Variants in SCAPER observed in about 807,000 individuals in gnomAD.
The protein encoded by SCAPER is S-phase cyclin A associated protein in the ER.
SCAPER carries 98 observed loss-of-function variants against 182.2 expected under a neutral mutation model. That is an observed-to-expected ratio of 0.54 (90% CI 0.46 to 0.64). SCAPER has a LOEUF of 0.64. Ranked by LOEUF, SCAPER falls within the 30% of genes least tolerant of loss-of-function variation. The pLI is 0.00. For synonymous variants in SCAPER, 605 were observed against 564.6 expected (o/e 1.07, Z -1.01); for missense variants, 1,432 against 1,690.0 (o/e 0.85, Z 2.68).
chr15:76,709,196 A>G (rs777045994), intron 17 of SCAPER, among the ~76,000 whole-genome samples: 1 of 152,196 alleles, frequency 6.6e-6, no homozygotes, highest in Non-Finnish European at 1.5e-5. Context: ...CAGTAGCGCA[A>G]TCTCGACTCA....
At chr15:76,390,954 A>G (rs2043652167) in intron 27 of SCAPER, among the ~76,000 whole-genome samples, 1 of 152,148 alleles carries the variant, frequency 6.6e-6, no homozygotes, top group Non-Finnish European at 1.5e-5. Flanking sequence ...TCACAGAGTA[A>G]ACAGATGCTT....
chr15:76,348,748 A>G lies in SCAPER; in HGVS notation c.4100-12T>C. On this transcript the variant is annotated splice_polypyrimidine_tract_variant and intron_variant, in intron 31 of 31. Coordinates refer to ENST00000563290, the MANE Select transcript of SCAPER (RefSeq NM_020843.4). Reference sequence around the variant, plus strand: ...ACCAAGGCATTTCCCTGAGAGGGGGATAAAAGAGAAAAAAGTTAAATAAAA... The same window carrying G: ...ACCAAGGCATTTCCCTGAGAGGGGGGTAAAAGAGAAAAAAGTTAAATAAAA... 6.9e-7 allele frequency: 1 copy of G among 1,457,110 alleles called. No homozygotes were observed. Among genetic ancestry groups the G allele is most frequent in the Admixed American group, 2.7e-5 (1 of 37,106 alleles). 90.3% of individuals were successfully genotyped at this position (1,457,110 alleles called of 1,614,324 possible).
At chr15:76,469,673 G>A (rs765498813) in intron 25 of SCAPER, among the ~76,000 whole-genome samples, 73 of 152,184 alleles carry the variant, frequency 4.8e-4, no homozygotes, top group Non-Finnish European at 6.3e-4. Flanking sequence ...ATACACCTAG[G>A]TCTGATTCTT....
At chr15:76,568,866 C>A (rs955901490) in intron 23 of SCAPER, among the ~76,000 whole-genome samples, 21 of 151,738 alleles carry the variant, frequency 1.4e-4, no homozygotes. Flanking sequence ...TAGATTTACT[C>A]CTAGATATTT....
chr15:76,627,693 T>C (rs147709438), intron 21 of SCAPER, among the ~76,000 whole-genome samples: 12 of 152,348 alleles, frequency 7.9e-5, no homozygotes, highest in African/African-American at 9.6e-5. Flanking sequence ...CAGTTTATCG[T>C]TGATGGGCAT....
chr15:76,362,210 T>C (rs2041474065), intron 29 of SCAPER, among the ~76,000 whole-genome samples: 1 of 151,420 alleles, frequency 6.6e-6, no homozygotes, highest in African/African-American at 2.4e-5. Flanking sequence ...TGATCTCAGG[T>C]GATCCACCCG....
At chr15:76,665,508 A>G in intron 21 of SCAPER, 145 bp downstream of exon 21, 1 of 928,190 alleles carries the variant, frequency 1.1e-6, no homozygotes, top group Middle Eastern at 3.6e-4. Flanking sequence ...AATCAAGGAA[A>G]GTGGCTATAA....
rs113572491 is a variant in SCAPER, at chr15:76,748,296, T to A, written c.1866+5512A>T. On this transcript the variant is annotated intron_variant, in intron 15 of 31. Coordinates refer to ENST00000563290, the MANE Select transcript of SCAPER (RefSeq NM_020843.4). ...TGAGCCACCGCGCCTGGCCGAAATA[T>A]GGATATTCTTATGCAAAAGAATTAA... Among the ~76,000 whole-genome samples the A allele has an allele frequency of 5.1e-4, 78 of 152,182 alleles. 1 individual carries two copies. The highest frequency in any genetic ancestry group is 1.8e-3 in the African/African-American group (73 of 41,534).
intron 25 of SCAPER, among the ~76,000 whole-genome samples, chr15:76,453,748 T>C (rs1416932834): frequency 1.3e-5 from 2 of 152,224 alleles, no homozygotes; most frequent in African/African-American, 2.4e-5. Flanking sequence ...TAGGCAAATA[T>C]CCTGTTTCTC....
chr15:76,710,601 T>G (rs1171353016), intron 17 of SCAPER, among the ~76,000 whole-genome samples: 1 of 152,062 alleles, frequency 6.6e-6, no homozygotes, highest in Non-Finnish European at 1.5e-5. Flanking sequence ...CGCAAAAAAC[T>G]ACAAAACCTT....
chr15:76,411,975 C>T (rs1214809341), intron 26 of SCAPER, among the ~76,000 whole-genome samples: 3 of 152,108 alleles, frequency 2.0e-5, no homozygotes, highest in African/African-American at 7.2e-5. Context: ...TCCCCCATTC[C>T]ATGACCGCAA....
At chr15:76,761,030 T>C (rs1165674758) in intron 14 of SCAPER, among the ~76,000 whole-genome samples, 1 of 152,178 alleles carries the variant, frequency 6.6e-6, no homozygotes, top group Non-Finnish European at 1.5e-5. Flanking sequence ...TCAATCTCTG[T>C]ATTTGTTATT....
At chr15:76,714,534 G>GGTAGTAGTAGTAGTA (rs35883569) in intron 17 of SCAPER, among the ~76,000 whole-genome samples, 1 of 149,394 alleles carries the variant, frequency 6.7e-6, no homozygotes, top group Non-Finnish European at 1.5e-5. Context: ...TAGTAGTAGT[G>GGTAGTAGTAGTAGTA]GTAGTAGTAG....
chr15:76,727,747 C>T (rs890203265), intron 17 of SCAPER, among the ~76,000 whole-genome samples: 1 of 151,412 alleles, frequency 6.6e-6, no homozygotes, highest in Non-Finnish European at 1.5e-5. Flanking sequence ...AATCAAAAAA[C>T]ATCATAAAGA....
At chr15:76,700,496 G>T (rs1285160215) in intron 20 of SCAPER, among the ~76,000 whole-genome samples, 3 of 152,208 alleles carry the variant, frequency 2.0e-5, no homozygotes, top group Non-Finnish European at 4.4e-5. Context: ...GCTCTACAAA[G>T]CCAGGCAACA....
At chr15:76,654,553 A>G (rs993659501) in intron 21 of SCAPER, among the ~76,000 whole-genome samples, 2 of 152,240 alleles carry the variant, frequency 1.3e-5, no homozygotes, top group African/African-American at 2.4e-5. Flanking sequence ...TGTGGAAAGC[A>G]GTCTGAAGAT....
At chr15:76,880,489 T>C (rs562532216) in intron 2 of SCAPER, among the ~76,000 whole-genome samples, 1 of 152,352 alleles carries the variant, frequency 6.6e-6, no homozygotes, top group African/African-American at 2.4e-5. Flanking sequence ...ATTCTGCAAG[T>C]ACAGTGAATA....
intron 22 of SCAPER, among the ~76,000 whole-genome samples, chr15:76,599,445 A>G (rs2049755741): frequency 8.2e-6 from 1 of 122,314 alleles, no homozygotes; most frequent in African/African-American, 2.5e-5. Context: ...ACTTATATCC[A>G]AAATTTATTT....
chr15:76,713,265 C>T (rs1270507321), intron 17 of SCAPER, among the ~76,000 whole-genome samples: 1 of 151,958 alleles, frequency 6.6e-6, no homozygotes, highest in Non-Finnish European at 1.5e-5. Context: ...TTGACCCAGC[C>T]ATCCCATTAC....
Sources: allele counts gnomAD v4.1 joint callset (sites outside exome capture counted in the v4.1 genomes callset), GRCh38; gene constraint gnomAD v4.1.1; transcripts MANE v1.5; gene names NCBI Gene and HGNC (gene_info 2026-07-23, HGNC 2026-07-21).